Variants in SLC1A4 observed in about 807,000 individuals in gnomAD.
The protein encoded by SLC1A4 is solute carrier family 1 member 4, also known as neutral amino acid transporter A.
In SLC1A4, 19 loss-of-function variants were observed where a neutral mutation model predicts 37.7. The observed-to-expected ratio is 0.50, with a 90% CI of 0.35 to 0.74. The LOEUF (loss-of-function observed/expected upper bound fraction) is 0.74. Ranked by LOEUF, SLC1A4 falls within the 30% of genes least tolerant of loss-of-function variation. SLC1A4 has a pLI of 0.01. For synonymous variants in SLC1A4, 299 were observed against 309.8 expected (o/e 0.97, Z 0.37); for missense variants, 570 against 712.9 (o/e 0.80, Z 2.28).
chr2:65,016,735 C>A, intron 5 of SLC1A4, 62 bp downstream of exon 5: 1 of 1,071,076 alleles, frequency 9.3e-7, no homozygotes, highest in Non-Finnish European at 1.5e-6. Flanking sequence ...CAGGTGAGCC[C>A]AGTGGTAGAT....
chr2:64,990,017 C>A lies in SLC1A4; in HGVS notation c.374C>A (p.Thr125Lys). ...GCTGTCGCCTACTTTGGCCTCACCACACTGAGTGCCTCGGCGCTCGCCGTG... is the reference window on the plus strand; with the variant it reads ...GCTGTCGCCTACTTTGGCCTCACCAAACTGAGTGCCTCGGCGCTCGCCGTG... ...GIAVAYFGLTTLSASALAVAL... is the reference protein window; with the variant it reads ...GIAVAYFGLTKLSASALAVAL... The change falls in exon 1 of 8, where the codon ACA (threonine) becomes AAA (lysine). Residue 125 changes from threonine to lysine, a missense_variant. Transcript: ENST00000234256. 1 of 1,601,894 alleles carries A rather than the reference C, an allele frequency of 6.2e-7. No individual in the cohort carries two copies. The highest frequency in any genetic ancestry group is 8.5e-7 in the Non-Finnish European group (1 of 1,174,362).
rs202225082 is a variant in SLC1A4 at position 65,010,723 on chromosome 2, C to T, written c.760C>T (p.Leu254Phe). 19 of 1,613,930 alleles carry T rather than the reference C, an allele frequency of 1.2e-5. No homozygotes were observed. The highest frequency in any genetic ancestry group is 1.6e-5 in the Non-Finnish European group (19 of 1,179,984). Reference sequence around the variant, plus strand: ...AGACCTCATCCGTTTCTTCAATTCCCTCAACGAGGCGACGATGGTGCTGGT... The same window carrying T: ...AGACCTCATCCGTTTCTTCAATTCCTTCAACGAGGCGACGATGGTGCTGGT... Reference protein sequence around the residue: ...GEDLIRFFNSLNEATMVLVSW... With the variant: ...GEDLIRFFNSFNEATMVLVSW... Residue 254 changes from leucine to phenylalanine, a missense_variant, in exon 4 of 8, where the codon CTC (leucine) becomes TTC (phenylalanine). Physicochemically the swap from Leu to Phe is conservative, Grantham distance 22 (BLOSUM62 0). Transcript: ENST00000234256.
At chr2:64,993,555 C>G (rs1673141123) in intron 1 of SLC1A4, among the ~76,000 whole-genome samples, 1 of 152,190 alleles carries the variant, frequency 6.6e-6, no homozygotes, top group Admixed American at 6.5e-5. Flanking sequence ...GCCCGGAGTT[C>G]TGTGCCTGGG....
At chr2:65,000,527 C>A (rs1673417751) in intron 1 of SLC1A4, 2 of 152,166 alleles carry the variant, frequency 1.3e-5, no homozygotes, top group African/African-American at 4.8e-5. Flanking sequence ...TAAATGCAGA[C>A]TGTTACTTGA....
Position 65,018,388 on chromosome 2 carries a change from C to A in SLC1A4, c.1229+123C>A. The A allele has an allele frequency of 7.3e-7, 1 of 1,374,350 alleles. No individual in the cohort carries two copies. Among genetic ancestry groups the A allele is most frequent in the Non-Finnish European group, 9.9e-7 (1 of 1,005,044 alleles). 85.1% of individuals were successfully genotyped at this position (1,374,350 alleles called of 1,614,324 possible). A position where few individuals can be genotyped will look rare whatever the true frequency, so the allele number is the denominator to read the frequency against. On this transcript the variant is annotated intron_variant, in intron 6 of 7. Transcript: ENST00000234256. The surrounding 1 kb of genome is among the most constrained non-coding windows in gnomAD (Gnocchi z 4.3). Reference sequence around the variant, plus strand: ...AAATGAGGACAGTGGGGATTCATTACTTGAAGAGCGTGTGTTGACTCTCAA... The same window carrying A: ...AAATGAGGACAGTGGGGATTCATTAATTGAAGAGCGTGTGTTGACTCTCAA...
In SLC1A4 at chr2:65,021,200, C is replaced by T; in HGVS notation, c.*54C>T. On this transcript the variant is annotated 3_prime_UTR_variant, in exon 8 of 8. Coordinates refer to ENST00000234256, the MANE Select transcript of SLC1A4 (RefSeq NM_003038.5). The stretch of plus-strand genomic sequence containing the variant: ...GCAGTGATGTCCCACCCTGTTCACC[C>T]AGCCGCCAGTCATGGACACAGGGCA... 1 of 1,439,940 alleles carries T rather than the reference C, an allele frequency of 6.9e-7. No homozygotes were observed. The highest frequency in any genetic ancestry group is 1.4e-5 in the African/African-American group (1 of 71,396). The allele number at this position is 1,439,940 out of a possible 1,614,324, so 89.2% of individuals were successfully genotyped here.
Position 64,992,997 on chromosome 2 carries a change from C to T in SLC1A4, c.527+2827C>T, listed in dbSNP as rs531991609. On this transcript the variant is annotated intron_variant, in intron 1 of 7. Transcript: ENST00000234256. ...TGACATCAAAATTAAAAAATTGCTT[C>T]CTTCAAGGAAACTTCACGGATGTGG... 2.0e-5 allele frequency among the ~76,000 whole-genome samples: 3 copies of T among 152,332 alleles called. No individual in the cohort carries two copies. The South Asian group carries it at 6.2e-4, about 32-fold the overall frequency.
chr2:64,989,089 T>TC (rs1219179090), upstream of SLC1A4, among the ~76,000 whole-genome samples: 1 of 151,982 alleles, frequency 6.6e-6, no homozygotes, highest in East Asian at 1.9e-4. Context: ...AGCCCGCACT[T>TC]CCCCGCGGTC....
In SLC1A4 at chr2:65,022,841, C is replaced by T. The variant is rs1361288167; in HGVS notation, c.*1695C>T. 1 of 152,360 alleles carries T rather than the reference C, an allele frequency of 6.6e-6. No individual in the cohort carries two copies. Among genetic ancestry groups the T allele is most frequent in the African/African-American group, 2.4e-5 (1 of 41,442 alleles). The allele number at this position is 152,360 out of a possible 1,614,324, so 9.4% of individuals were successfully genotyped here. A position where few individuals can be genotyped will look rare whatever the true frequency, so the allele number is the denominator to read the frequency against. ...ATTAAAGCTCCCCAGTGTTCAGCCT[C>T]CTTCACTCCCTTGTTTTCCCTGTTG... is the stretch of plus-strand genomic sequence containing the variant. On this transcript the variant is annotated 3_prime_UTR_variant, in exon 8 of 8. Coordinates refer to ENST00000234256, the MANE Select transcript of SLC1A4 (RefSeq NM_003038.5).
intron 2 of SLC1A4, among the ~76,000 whole-genome samples, chr2:65,002,698 C>T (rs1484304968): frequency 6.6e-6 from 1 of 151,470 alleles, no homozygotes; most frequent in Non-Finnish European, 1.5e-5. Context: ...CTGCCTCAGC[C>T]TTCCAAGTAG....
upstream of SLC1A4, among the ~76,000 whole-genome samples, chr2:64,988,951 C>T (rs1030929449): frequency 6.6e-6 from 1 of 152,078 alleles, no homozygotes; most frequent in African/African-American, 2.4e-5. Context: ...CCTCCCTCCC[C>T]TCCCACAGTC....
chr2:65,007,638 T>C (rs904269830), intron 3 of SLC1A4, among the ~76,000 whole-genome samples: 1 of 152,240 alleles, frequency 6.6e-6, no homozygotes, highest in African/African-American at 2.4e-5. Flanking sequence ...CACCACACTT[T>C]AGAATTGCAG....
At chr2:65,002,080 G>A (rs1673480394) in intron 2 of SLC1A4, among the ~76,000 whole-genome samples, 1 of 152,094 alleles carries the variant, frequency 6.6e-6, no homozygotes, top group African/African-American at 2.4e-5. Flanking sequence ...AGGAGTTCAA[G>A]ACCAGCCTGG....
intron 3 of SLC1A4, among the ~76,000 whole-genome samples, chr2:65,006,720 C>T (rs1158070035): frequency 1.3e-5 from 2 of 152,064 alleles, no homozygotes; most frequent in Non-Finnish European, 2.9e-5. Context: ...GGGAGGATTG[C>T]TTGAAGCCAG....
At position 65,001,479 on chromosome 2, in the gene SLC1A4, G is replaced by A; in HGVS notation, c.559G>A (p.Ala187Thr). 6.2e-7 allele frequency: 1 copy of A among 1,613,878 alleles called. No homozygotes were observed. Among genetic ancestry groups the A allele is most frequent in the Non-Finnish European group, 8.5e-7 (1 of 1,179,736 alleles). Residue 187 changes from alanine to threonine, a missense_variant, in exon 2 of 8, where the codon GCT becomes ACT. Coordinates refer to ENST00000234256, the MANE Select transcript of SLC1A4 (RefSeq NM_003038.5). ...NLFPSNLVVA[A>T]FRTYATDYKV... The stretch of plus-strand genomic sequence containing the variant: ...GTTTCCCTCCAATCTTGTGGTTGCA[G>A]CTTTCCGTACGGTAAGGCTTGATAC...
rs1038817704 is a variant in SLC1A4 at position 65,023,621 on chromosome 2, G to A, written c.*2475G>A. On this transcript the variant is annotated 3_prime_UTR_variant, in exon 8 of 8. Coordinates refer to ENST00000234256, the MANE Select transcript of SLC1A4 (RefSeq NM_003038.5). ...TGTGCAGGTGGCCCTTCCCCTTGGA[G>A]GCGAGAAGAGAGAATGTGCTGTCTA... 6.5e-6 allele frequency: 1 copy of A among 152,690 alleles called. No individual in the cohort carries two copies. The highest frequency in any genetic ancestry group is 1.9e-4 in the East Asian group (1 of 5,204). The allele number at this position is 152,690 out of a possible 1,614,324, so 9.5% of individuals were successfully genotyped here. A position where few individuals can be genotyped will look rare whatever the true frequency, so the allele number is the denominator to read the frequency against.
Position 65,018,823 on chromosome 2 carries a change from G to A in SLC1A4, c.1364+144G>A, listed in dbSNP as rs1201396159. ...GGCTACAGTGGAGCTAAAAGGGCAAGATTTAGAGCTAGGAAAAATTAAACA... is the reference window on the plus strand; with the variant it reads ...GGCTACAGTGGAGCTAAAAGGGCAAAATTTAGAGCTAGGAAAAATTAAACA... On this transcript the variant is annotated intron_variant, in intron 7 of 7. Transcript: ENST00000234256. This position sits in a 1 kb window ranked among gnomAD's most constrained non-coding sequence, Gnocchi z 4.3. The A allele has an allele frequency of 2.2e-6, 2 of 912,794 alleles. No homozygotes were observed. Among genetic ancestry groups the A allele is most frequent in the East Asian group, 2.4e-5 (1 of 40,950 alleles). The allele number at this position is 912,794 out of a possible 1,614,324, so 56.5% of individuals were successfully genotyped here.
chr2:65,001,336 A>G, intron 1 of SLC1A4, 112 bp from the exon 2 acceptor site: 1 of 946,326 alleles, frequency 1.1e-6, no homozygotes, highest in Non-Finnish European at 1.7e-6. Context: ...CAAAAGTTCA[A>G]GGCTGCAGTG....
intron 3 of SLC1A4, 98 bp from the exon 4 acceptor site, chr2:65,010,499 T>A (rs1457139853): frequency 1.0e-6 from 1 of 978,178 alleles, no homozygotes; most frequent in Admixed American, 2.8e-5. Flanking sequence ...TTTCTCGTTC[T>A]GGGTACAGTG....
Sources: gnomAD v4.1 joint callset for allele counts (sites outside exome capture counted in the v4.1 genomes callset) on GRCh38, gnomAD v4.1.1 for gene constraint, Gnocchi (gnomAD v3.1) non-coding constraint, MANE v1.5 for transcripts, NCBI Gene and HGNC (gene_info 2026-07-23, HGNC 2026-07-21) for gene names.